The following RBPMS variants were observed in gnomAD, a reference collection of about 807,000 sequenced individuals.
The protein encoded by RBPMS is RNA-binding protein with multiple splicing.
In RBPMS, 7 loss-of-function variants were observed where a neutral mutation model predicts 26.8. That is an observed-to-expected ratio of 0.26 (90% CI 0.15 to 0.49). RBPMS has a LOEUF of 0.49. Ranked by LOEUF, RBPMS falls within the 20% of genes least tolerant of loss-of-function variation. The probability of loss-of-function intolerance (pLI) is 0.98; values close to 1 mark genes in which losing one functional copy is unlikely to be tolerated. For synonymous variants in RBPMS, 96 were observed against 93.3 expected (o/e 1.03, Z -0.17); for missense variants, 186 against 250.0 (o/e 0.74, Z 1.73).
chr8:30,437,648 G>A (rs750860464), intron 1 of RBPMS, among the ~76,000 whole-genome samples: 4 of 152,120 alleles, frequency 2.6e-5, no homozygotes, highest in Non-Finnish European at 4.4e-5. Flanking sequence ...AAAATTAGCC[G>A]GGCATGATAT....
intron 1 of RBPMS, among the ~76,000 whole-genome samples, chr8:30,448,294 G>A (rs902361683): frequency 6.6e-6 from 1 of 152,198 alleles, no homozygotes; most frequent in African/African-American, 2.4e-5. Context: ...GCATGTGTGA[G>A]GTCTTCCTGT....
At chr8:30,422,917 G>A (rs1238308168) in intron 1 of RBPMS, among the ~76,000 whole-genome samples, 1 of 152,224 alleles carries the variant, frequency 6.6e-6, no homozygotes, top group East Asian at 1.9e-4. Flanking sequence ...TCTACTTCAT[G>A]TGCTGGGGAA....
chr8:30,494,985 T>C (rs1260052660), intron 4 of RBPMS, among the ~76,000 whole-genome samples: 2 of 152,220 alleles, frequency 1.3e-5, no homozygotes, highest in African/African-American at 4.8e-5. Context: ...CAAATGTACA[T>C]TGTATTTTAA....
chr8:30,485,354 C>T (rs1352400422), intron 4 of RBPMS, among the ~76,000 whole-genome samples: 3 of 152,130 alleles, frequency 2.0e-5, no homozygotes, highest in Non-Finnish European at 2.9e-5. Flanking sequence ...TGTTTCTTAT[C>T]AGTTTTGAAA....
chr8:30,564,826 C>CA (rs903572877), intron 7 of RBPMS: 1 of 152,772 alleles, frequency 6.5e-6, no homozygotes, highest in African/African-American at 2.4e-5. Flanking sequence ...CCCCCACCTC[C>CA]CCCCGCCCAG....
chr8:30,492,865 T>A (rs1819541911), intron 4 of RBPMS, among the ~76,000 whole-genome samples: 1 of 152,220 alleles, frequency 6.6e-6, no homozygotes, highest in African/African-American at 2.4e-5. Flanking sequence ...CTTTTTTTCC[T>A]TTTTGGTGCC....
chr8:30,536,414 A>C (rs924707512), intron 5 of RBPMS, among the ~76,000 whole-genome samples: 9 of 152,160 alleles, frequency 5.9e-5, no homozygotes, highest in Non-Finnish European at 2.9e-5. Context: ...AGCGTGAGCC[A>C]CCGCGCCTGG....
At chr8:30,446,842 T>TGTGTGTGC (rs1439127078) in intron 1 of RBPMS, 17 of 65,578 alleles carry the variant, frequency 2.6e-4, no homozygotes, top group East Asian at 1.8e-3. Context: ...TGTGTGTGTG[T>TGTGTGTGC]GCGCGCGCGC....
At chr8:30,557,954 C>A (rs1219526075) in intron 6 of RBPMS, among the ~76,000 whole-genome samples, 1 of 152,172 alleles carries the variant, frequency 6.6e-6, no homozygotes, top group Non-Finnish European at 1.5e-5. Context: ...AACCTCCCCC[C>A]TCCTGGTTCA....
At chr8:30,494,147 A>G (rs1819684217) in intron 4 of RBPMS, among the ~76,000 whole-genome samples, 2 of 152,154 alleles carry the variant, frequency 1.3e-5, no homozygotes, top group Non-Finnish European at 2.9e-5. Flanking sequence ...GGGGCAGGAG[A>G]AGCAGGACAC....
At position 30,527,366 on chromosome 8, in the gene RBPMS, C is replaced by A. The variant is rs549919000; in HGVS notation, c.398-17128C>A. On this transcript the variant is annotated intron_variant, in intron 5 of 8. Coordinates refer to ENST00000397323, the MANE Select transcript of RBPMS (RefSeq NM_001008710.3). Reference sequence around the variant, plus strand: ...CCTTTTCTGGGGTCTCCCAGCCTCACTCTGGGTGGAGTTTGTTCTTTCCTC... The same window carrying A: ...CCTTTTCTGGGGTCTCCCAGCCTCAATCTGGGTGGAGTTTGTTCTTTCCTC... Among the ~76,000 whole-genome samples, 7 of 152,304 alleles carry A rather than the reference C, an allele frequency of 4.6e-5. No homozygotes were observed. The South Asian group carries it at 1.5e-3, about 32-fold the overall frequency.
At chr8:30,453,708 A>G (rs1814877920) in intron 1 of RBPMS, 1 of 152,172 alleles carries the variant, frequency 6.6e-6, no homozygotes, top group Non-Finnish European at 1.5e-5. Flanking sequence ...GGCCTGATTC[A>G]AAGGCCTCTG....
chr8:30,438,265 T>G (rs936699720), intron 1 of RBPMS, among the ~76,000 whole-genome samples: 1 of 152,198 alleles, frequency 6.6e-6, no homozygotes, highest in Non-Finnish European at 1.5e-5. Context: ...GTTGGCCTTT[T>G]ACTTTCCATG....
intron 1 of RBPMS, among the ~76,000 whole-genome samples, chr8:30,434,275 G>A (rs913546900): frequency 1.3e-5 from 2 of 152,084 alleles, no homozygotes; most frequent in African/African-American, 4.8e-5. Context: ...CAGTACTGGG[G>A]ATCTGTGATT....
chr8:30,546,247 C>T (rs1024017030), intron 6 of RBPMS, among the ~76,000 whole-genome samples: 1 of 152,128 alleles, frequency 6.6e-6, no homozygotes, highest in African/African-American at 2.4e-5. Context: ...TTAATAAATA[C>T]CATGAAACAG....
At chr8:30,441,131 G>A (rs2150706730) in intron 1 of RBPMS, among the ~76,000 whole-genome samples, 1 of 152,194 alleles carries the variant, frequency 6.6e-6, no homozygotes, top group East Asian at 1.9e-4. Context: ...TTTGAGTTTT[G>A]ATAGTAGCCG....
At chr8:30,475,267 A>C (rs547775654) in intron 2 of RBPMS, among the ~76,000 whole-genome samples, 1 of 152,354 alleles carries the variant, frequency 6.6e-6, no homozygotes, top group South Asian at 2.1e-4. Flanking sequence ...CCTGGTGTTT[A>C]TTGAAATATT....
At chr8:30,509,316 A>T (rs145787105) in intron 5 of RBPMS, among the ~76,000 whole-genome samples, 1 of 152,214 alleles carries the variant, frequency 6.6e-6, no homozygotes, top group East Asian at 1.9e-4. Flanking sequence ...GTACTCTTAG[A>T]TACCTGATCA....
At chr8:30,516,244 G>T (rs996269859) in intron 5 of RBPMS, among the ~76,000 whole-genome samples, 2 of 152,170 alleles carry the variant, frequency 1.3e-5, no homozygotes, top group Non-Finnish European at 2.9e-5. Flanking sequence ...GCCGGCTGTG[G>T]TGGAGGGTGG....
Sources: allele counts gnomAD v4.1 joint callset (sites outside exome capture counted in the v4.1 genomes callset), GRCh38; gene constraint gnomAD v4.1.1; transcripts MANE v1.5; gene names NCBI Gene and HGNC (gene_info 2026-07-23, HGNC 2026-07-21).